Variants in SOX14 observed in about 807,000 individuals in gnomAD.
The protein encoded by SOX14 is SRY-box transcription factor 14.
SOX14 carries 5 observed loss-of-function variants against 14.8 expected under a neutral mutation model. The ratio of observed to expected loss-of-function variants is 0.34; its 90% CI spans 0.18 to 0.71. SOX14 has a LOEUF of 0.71. SOX14 is among the 30% of genes least tolerant of loss of function. SOX14 has a pLI of 0.64. For synonymous variants in SOX14, 164 were observed against 146.3 expected (o/e 1.12, Z -0.87); for missense variants, 270 against 329.7 (o/e 0.82, Z 1.40).
Position 137,765,129 on chromosome 3 carries a change from C to G in SOX14, c.345C>G (p.Ser115=). ...CGGCTGGCCTGCCCGTGGGGGCCTC[C>G]GACGGCCTCCTGAGCGCGCCCGAGA... is the stretch of plus-strand genomic sequence containing the variant. ...LKAAGLPVGA[S]DGLLSAPEKA... Residue 115 remains serine, a synonymous_variant, in exon 1 of 1, where the codon TCC becomes TCG. Transcript: ENST00000306087. 6.2e-7 allele frequency: 1 copy of G among 1,612,842 alleles called. No homozygotes were observed. The highest frequency in any genetic ancestry group is 8.5e-7 in the Non-Finnish European group (1 of 1,179,302).
chr3:137,765,560 T>G lies in SOX14; in HGVS notation c.*53T>G, dbSNP rs1412145250. 7 of 1,544,172 alleles carry G rather than the reference T, an allele frequency of 4.5e-6. No homozygotes were observed. Among genetic ancestry groups the G allele is most frequent in the Admixed American group, 1.9e-5 (1 of 52,328 alleles). On this transcript the variant is annotated 3_prime_UTR_variant, in exon 1 of 1. Transcript: ENST00000306087. ...TGGTCTGAAAGCCGGGTCTGCACCC[T>G]GTCCTCTGAGCCTAGCCCCGGCCTG...
rs564422742 is a variant in SOX14, at chr3:137,765,702, A to C, written c.*195A>C. 1.6e-6 allele frequency: 1 copy of C among 619,754 alleles called. No individual in the cohort carries two copies. Among genetic ancestry groups the C allele is most frequent in the South Asian group, 2.9e-5 (1 of 34,412 alleles). 38.4% of individuals were successfully genotyped at this position (619,754 alleles called of 1,614,324 possible). A position where few individuals can be genotyped will look rare whatever the true frequency, so the allele number is the denominator to read the frequency against. On this transcript the variant is annotated 3_prime_UTR_variant, in exon 1 of 1. Transcript: ENST00000306087. ...GACCCAAGGCGCAGACAGGTACCGG[A>C]AACTTGCAAACGTTATGTCAGCTAC... is the stretch of plus-strand genomic sequence containing the variant.
Position 137,764,573 on chromosome 3 carries a change from C to G in SOX14, c.-212C>G. The G allele has an allele frequency of 2.5e-6, 1 of 396,494 alleles. No individual in the cohort carries two copies. Among genetic ancestry groups the G allele is most frequent in the East Asian group, 4.3e-5 (1 of 23,406 alleles). 24.6% of individuals were successfully genotyped at this position (396,494 alleles called of 1,614,324 possible). On this transcript the variant is annotated 5_prime_UTR_variant, in exon 1 of 1. Transcript: ENST00000306087. ...TCCTCCCCCGCCCTTTCTGCCCCCA[C>G]TCGCTCCCCCGGGGCTGCCTGGGCG...
In SOX14 at chr3:137,764,763, C is replaced by T; in HGVS notation, c.-22C>T. On this transcript the variant is annotated 5_prime_UTR_variant, in exon 1 of 1. Coordinates refer to ENST00000306087, the MANE Select transcript of SOX14 (RefSeq NM_004189.4). ...GCAGAACCCTTGCACTCCCTACCCC[C>T]ACCCACCTAGCCGCCGGGACCATGT... 1 of 1,611,932 alleles carries T rather than the reference C, an allele frequency of 6.2e-7. No homozygotes were observed. Among genetic ancestry groups the T allele is most frequent in the South Asian group, 1.1e-5 (1 of 90,888 alleles).
Position 137,765,778 on chromosome 3 carries a change from C to A in SOX14, c.*271C>A. ...CAAAACAAATCTCCGACTGTACCCC[C>A]TTTGGACAAAAAAGTAGGCAGTTTT... On this transcript the variant is annotated 3_prime_UTR_variant, in exon 1 of 1. Coordinates refer to ENST00000306087, the MANE Select transcript of SOX14 (RefSeq NM_004189.4). The A allele has an allele frequency of 2.4e-6, 1 of 418,840 alleles. No individual in the cohort carries two copies. Among genetic ancestry groups the A allele is most frequent in the Admixed American group, 4.1e-5 (1 of 24,566 alleles). 25.9% of individuals were successfully genotyped at this position (418,840 alleles called of 1,614,324 possible).
chr3:137,765,106 G>T lies in SOX14; in HGVS notation c.322G>T (p.Ala108Ser). Reference sequence around the variant, plus strand: ...GGGCGACACGGACCCGCTCAAGGCGGCTGGCCTGCCCGTGGGGGCCTCCGA... The same window carrying T: ...GGGCGACACGGACCCGCTCAAGGCGTCTGGCCTGCCCGTGGGGGCCTCCGA... ...YLGDTDPLKA[A>S]GLPVGASDGL... The change falls in exon 1 of 1, where the codon GCT (alanine) becomes TCT (serine). Residue 108 changes from alanine to serine, a missense_variant. Ala to Ser is a moderately conservative substitution (Grantham distance 99). Around this residue, in one of 2 missense-constraint regions of SOX14, gnomAD observed 207 missense variants for 210.9 expected, o/e 0.98. Transcript: ENST00000306087. 6.2e-7 allele frequency: 1 copy of T among 1,613,446 alleles called. No homozygotes were observed. Among genetic ancestry groups the T allele is most frequent in the Non-Finnish European group, 8.5e-7 (1 of 1,179,582 alleles).
At position 137,766,182 on chromosome 3, in the gene SOX14, TGAACAAAAAATTAAAA is replaced by T. The variant is rs1305721605; in HGVS notation, c.*685_*700del. On this transcript the variant is annotated 3_prime_UTR_variant, in exon 1 of 1. Coordinates refer to ENST00000306087, the MANE Select transcript of SOX14 (RefSeq NM_004189.4). ...GGTTATGAAGTCAGGAAGTAGAAGGTGAACAAAAAATTAAAAGAACAAAAACAACCTAAATGGTCAT... is the reference window on the plus strand; with the variant it reads ...GGTTATGAAGTCAGGAAGTAGAAGGTGAACAAAAACAACCTAAATGGTCAT... 1.3e-5 allele frequency: 2 copies of T among 152,210 alleles called. No homozygotes were observed. Among genetic ancestry groups the T allele is most frequent in the African/African-American group, 2.4e-5 (1 of 41,444 alleles). 9.4% of individuals were successfully genotyped at this position (152,210 alleles called of 1,614,324 possible).
Position 137,764,675 on chromosome 3 carries a change from G to A in SOX14, c.-110G>A, listed in dbSNP as rs1253196032. 22 of 1,390,650 alleles carry A rather than the reference G, an allele frequency of 1.6e-5. No homozygotes were observed. Among genetic ancestry groups the A allele is most frequent in the Non-Finnish European group, 2.2e-5 (22 of 1,020,198 alleles). 86.1% of individuals were successfully genotyped at this position (1,390,650 alleles called of 1,614,324 possible). A position where few individuals can be genotyped will look rare whatever the true frequency, so the allele number is the denominator to read the frequency against. ...CTTCCCCTCAGCGGCGCCAAGGCGAGGGGAGCGCAGAACCCCGGCTCAGGA... is the reference window on the plus strand; with the variant it reads ...CTTCCCCTCAGCGGCGCCAAGGCGAAGGGAGCGCAGAACCCCGGCTCAGGA... On this transcript the variant is annotated 5_prime_UTR_variant, in exon 1 of 1. Transcript: ENST00000306087.
Position 137,764,802 on chromosome 3 carries a change from C to T in SOX14, c.18C>T (p.Asp6=), listed in dbSNP as rs899879431. 1.3e-5 allele frequency: 21 copies of T among 1,614,210 alleles called. No homozygotes were observed. The highest frequency in any genetic ancestry group is 1.0e-4 in the Admixed American group (6 of 60,016). Reference sequence around the variant, plus strand: ...CCGGGACCATGTCCAAACCTTCAGACCACATCAAGCGGCCCATGAACGCCT... The same window carrying T: ...CCGGGACCATGTCCAAACCTTCAGATCACATCAAGCGGCCCATGAACGCCT... The part of the protein sequence containing the change: MSKPS[D]HIKRPMNAFM... Residue 6 remains aspartate (D), a synonymous_variant, in exon 1 of 1, where the codon GAC becomes GAT. Transcript: ENST00000306087.
Position 137,764,434 on chromosome 3 carries a change from G to A in SOX14, c.-351G>A, listed in dbSNP as rs954534183. On this transcript the variant is annotated 5_prime_UTR_variant, in exon 1 of 1. Transcript: ENST00000306087. Reference sequence around the variant, plus strand: ...TAGAGAAGGCAAAGGTGGAGAGGGGGAGAAGGAGGAGCTTCTTGCCCTGGC... The same window carrying A: ...TAGAGAAGGCAAAGGTGGAGAGGGGAAGAAGGAGGAGCTTCTTGCCCTGGC... 20 of 259,144 alleles carry A rather than the reference G, an allele frequency of 7.7e-5. No individual in the cohort carries two copies. The highest frequency in any genetic ancestry group is 1.4e-4 in the Non-Finnish European group (19 of 136,506). The allele number at this position is 259,144 out of a possible 1,614,324, so 16.1% of individuals were successfully genotyped here. A position where few individuals can be genotyped will look rare whatever the true frequency, so the allele number is the denominator to read the frequency against.
Position 137,764,714 on chromosome 3 carries a change from G to A in SOX14, c.-71G>A. ...CCCGGCTCAGGACGGACAGACAGAC[G>A]GCCAGCCGCGCCCAGGCTCGTCTGC... is the stretch of plus-strand genomic sequence containing the variant. On this transcript the variant is annotated 5_prime_UTR_variant, in exon 1 of 1. Coordinates refer to ENST00000306087, the MANE Select transcript of SOX14 (RefSeq NM_004189.4). The A allele has an allele frequency of 6.4e-7, 1 of 1,556,240 alleles. No individual in the cohort carries two copies. The highest frequency in any genetic ancestry group is 2.0e-5 in the Admixed American group (1 of 50,678).
chr3:137,764,484 C>T lies in SOX14; in HGVS notation c.-301C>T, dbSNP rs1474485793. Reference sequence around the variant, plus strand: ...CTAAAAAATTACCTGGCCACTTAATCCCGGAGACTCCGATACTTGGGTCCC... The same window carrying T: ...CTAAAAAATTACCTGGCCACTTAATTCCGGAGACTCCGATACTTGGGTCCC... On this transcript the variant is annotated 5_prime_UTR_variant, in exon 1 of 1. Coordinates refer to ENST00000306087, the MANE Select transcript of SOX14 (RefSeq NM_004189.4). The T allele has an allele frequency of 5.0e-6, 2 of 397,548 alleles. No individual in the cohort carries two copies. The highest frequency in any genetic ancestry group is 9.0e-6 in the Non-Finnish European group (2 of 222,788). 24.6% of individuals were successfully genotyped at this position (397,548 alleles called of 1,614,324 possible). A position where few individuals can be genotyped will look rare whatever the true frequency, so the allele number is the denominator to read the frequency against.
At position 137,764,768 on chromosome 3, in the gene SOX14, AC is replaced by A; in HGVS notation, c.-15del. 6.2e-7 allele frequency: 1 copy of A among 1,611,954 alleles called. No homozygotes were observed. The highest frequency in any genetic ancestry group is 8.5e-7 in the Non-Finnish European group (1 of 1,179,378). ...ACCCTTGCACTCCCTACCCCCACCC[AC>A]CTAGCCGCCGGGACCATGTCCAAAC... is the stretch of plus-strand genomic sequence containing the variant. On this transcript the variant is annotated 5_prime_UTR_variant, in exon 1 of 1. Transcript: ENST00000306087.
rs577714330 is a variant in SOX14 at position 137,765,577 on chromosome 3, C to T, written c.*70C>T. On this transcript the variant is annotated 3_prime_UTR_variant, in exon 1 of 1. Transcript: ENST00000306087. The stretch of plus-strand genomic sequence containing the variant: ...CTGCACCCTGTCCTCTGAGCCTAGC[C>T]CCGGCCTGCAGACGCCTCCGGGGTC... 2.6e-5 allele frequency: 39 copies of T among 1,515,330 alleles called. No individual in the cohort carries two copies. The African/African-American group carries it at 4.9e-4, about 19-fold the overall frequency. The allele number at this position is 1,515,330 out of a possible 1,614,324, so 93.9% of individuals were successfully genotyped here.
rs367892960 is a variant in SOX14, at chr3:137,765,104, C to A, written c.320C>A (p.Ala107Glu). The change falls in exon 1 of 1, where the codon GCG becomes GAG. Residue 107 changes from alanine (A) to glutamate (E), a missense_variant. By Grantham distance (107) the Ala-to-Glu change is moderately radical. Coordinates refer to ENST00000306087, the MANE Select transcript of SOX14 (RefSeq NM_004189.4). ...CTGGGCGACACGGACCCGCTCAAGG[C>A]GGCTGGCCTGCCCGTGGGGGCCTCC... is the stretch of plus-strand genomic sequence containing the variant. ...PYLGDTDPLKAAGLPVGASDG... is the reference protein window; with the variant it reads ...PYLGDTDPLKEAGLPVGASDG... The A allele has an allele frequency of 1.2e-6, 2 of 1,613,442 alleles. No individual in the cohort carries two copies. The highest frequency in any genetic ancestry group is 1.7e-5 in the Admixed American group (1 of 59,966).
At position 137,765,493 on chromosome 3, in the gene SOX14, G is replaced by T. The variant is rs1472133348; in HGVS notation, c.709G>T (p.Ala237Ser). Residue 237 changes from alanine to serine, a missense_variant, in exon 1 of 1, where the codon GCT becomes TCT. Physicochemically the swap from Ala to Ser is moderately conservative, Grantham distance 99. Around this residue, in one of 2 missense-constraint regions of SOX14, gnomAD observed 207 missense variants for 210.9 expected, o/e 0.98. Coordinates refer to ENST00000306087, the MANE Select transcript of SOX14 (RefSeq NM_004189.4). ...TGIDPYSSAH[A>S]TAM is the part of the protein sequence containing the mutation. ...CATAGACCCTTATTCGTCAGCCCAC[G>T]CTACGGCCATGTAACCCCCAGCCCG... 1.9e-6 allele frequency: 3 copies of T among 1,603,296 alleles called. No homozygotes were observed. Among genetic ancestry groups the T allele is most frequent in the East Asian group, 2.2e-5 (1 of 44,736 alleles).
chr3:137,764,814 G>A lies in SOX14; in HGVS notation c.30G>A (p.Arg10=), dbSNP rs1300397119. The A allele has an allele frequency of 1.2e-6, 2 of 1,614,156 alleles. No homozygotes were observed. The highest frequency in any genetic ancestry group is 2.2e-5 in the East Asian group (1 of 44,854). ...CCAAACCTTCAGACCACATCAAGCG[G>A]CCCATGAACGCCTTCATGGTATGGT... is the stretch of plus-strand genomic sequence containing the variant. MSKPSDHIK[R]PMNAFMVWSR... Residue 10 remains arginine, a synonymous_variant, in exon 1 of 1, where the codon CGG becomes CGA. Transcript: ENST00000306087.
chr3:137,764,504 G>T lies in SOX14; in HGVS notation c.-281G>T. ...TTAATCCCGGAGACTCCGATACTTG[G>T]GTCCCAGCCCCTGGTGCCTGAAGCC... On this transcript the variant is annotated 5_prime_UTR_variant, in exon 1 of 1. Coordinates refer to ENST00000306087, the MANE Select transcript of SOX14 (RefSeq NM_004189.4). 2.2e-6 allele frequency: 1 copy of T among 451,822 alleles called. No homozygotes were observed. The highest frequency in any genetic ancestry group is 4.0e-5 in the East Asian group (1 of 24,978). 28.0% of individuals were successfully genotyped at this position (451,822 alleles called of 1,614,324 possible).
Position 137,765,599 on chromosome 3 carries a change from G to T in SOX14, c.*92G>T. 6.2e-6 allele frequency: 9 copies of T among 1,459,370 alleles called. No individual in the cohort carries two copies. The highest frequency in any genetic ancestry group is 7.3e-6 in the Non-Finnish European group (8 of 1,089,588). 90.4% of individuals were successfully genotyped at this position (1,459,370 alleles called of 1,614,324 possible). On this transcript the variant is annotated 3_prime_UTR_variant, in exon 1 of 1. Transcript: ENST00000306087. Reference sequence around the variant, plus strand: ...AGCCCCGGCCTGCAGACGCCTCCGGGGTCAGCCCTGCCGCTGTCCCTTACA... The same window carrying T: ...AGCCCCGGCCTGCAGACGCCTCCGGTGTCAGCCCTGCCGCTGTCCCTTACA...
Sources: allele counts gnomAD v4.1 joint callset, GRCh38; gene constraint gnomAD v4.1.1; regional missense constraint gnomAD v4.1.1; transcripts MANE v1.5; gene names NCBI Gene and HGNC (gene_info 2026-07-23, HGNC 2026-07-21).